The following SYNE2 variants were observed in gnomAD, a reference collection of about 807,000 sequenced individuals.
The protein encoded by SYNE2 is nesprin-2.
SYNE2 carries 431 observed loss-of-function variants against 856.3 expected under a neutral mutation model. The observed-to-expected ratio is 0.50, with a 90% CI of 0.47 to 0.55. The LOEUF (loss-of-function observed/expected upper bound fraction) is 0.55. SYNE2 is among the 20% of genes least tolerant of loss of function. The pLI is 0.00. For synonymous variants in SYNE2, 2,923 were observed against 2,872.3 expected (o/e 1.02, Z -0.56); for missense variants, 8,129 against 8,023.2 (o/e 1.01, Z -0.50).
At position 64,056,216 on chromosome 14, in the gene SYNE2, G is replaced by T. The variant is rs1423228550; in HGVS notation, c.10017G>T (p.Lys3339Asn). 10 of 1,613,948 alleles carry T rather than the reference G, an allele frequency of 6.2e-6. No individual in the cohort carries two copies. The highest frequency in any genetic ancestry group is 8.5e-6 in the Non-Finnish European group (10 of 1,179,994). ...LQYTLQELVS[K>N]NSAMKEAFKA... ...ATACTTTACAGGAACTAGTTTCTAA[G>T]AACTCAGCAATGAAGGAAGCTTTCA... is the stretch of plus-strand genomic sequence containing the variant. The change falls in exon 49 of 116, where the codon AAG (lysine) becomes AAT (asparagine). Residue 3339 changes from lysine to asparagine, a missense_variant. Coordinates refer to ENST00000555002, the MANE Select transcript of SYNE2 (RefSeq NM_182914.3).
chr14:63,955,033 A>T (rs1045834857), intron 8 of SYNE2, 118 bp downstream of exon 8: 64 of 824,996 alleles, frequency 7.8e-5, no homozygotes, highest in Non-Finnish European at 1.1e-4. Context: ...TGGAGGGTTT[A>T]ACTTAAGCTC....
At chr14:64,116,813 G>A (rs1013107962) in intron 66 of SYNE2, among the ~76,000 whole-genome samples, 2 of 152,198 alleles carry the variant, frequency 1.3e-5, no homozygotes, top group African/African-American at 4.8e-5. Flanking sequence ...AGAAACAAAG[G>A]GGTAACAAGA....
At position 63,995,291 on chromosome 14, in the gene SYNE2, T is replaced by G. The variant is rs2096704298; in HGVS notation, c.2940+89T>G. 1.5e-5 allele frequency: 18 copies of G among 1,177,502 alleles called. No homozygotes were observed. The East Asian group carries it at 4.5e-4, about 29-fold the overall frequency. The allele number at this position is 1,177,502 out of a possible 1,614,324, so 72.9% of individuals were successfully genotyped here. On this transcript the variant is annotated intron_variant, in intron 23 of 115. Transcript: ENST00000555002. ...TGTATCTTTAGCCTAGGATGAAAAC[T>G]GTTCTGAAAATTACCCTAGCCCTCC...
At chr14:63,956,137 C>A (rs1042931837) in intron 8 of SYNE2, among the ~76,000 whole-genome samples, 1 of 152,162 alleles carries the variant, frequency 6.6e-6, no homozygotes, top group Non-Finnish European at 1.5e-5. Flanking sequence ...AACAGTCAAG[C>A]CTTCATTTGC....
chr14:63,861,231 G>A (rs1252157085), intron 1 of SYNE2, among the ~76,000 whole-genome samples: 3 of 147,268 alleles, frequency 2.0e-5, no homozygotes, highest in Non-Finnish European at 4.4e-5. Context: ...TGCAACCTTC[G>A]CCTCCTGGGT....
rs946343341 is a variant in SYNE2, at chr14:64,047,855, A to T, written c.7222-145A>T. The T allele has an allele frequency of 9.3e-6, 8 of 857,620 alleles. No homozygotes were observed. The South Asian group carries it at 1.4e-4, about 15-fold the overall frequency. 53.1% of individuals were successfully genotyped at this position (857,620 alleles called of 1,614,324 possible). The stretch of plus-strand genomic sequence containing the variant: ...CAACATAGGCATTATTATATGGAAA[A>T]ATCATCTTTCGTAGTGCCCAAATAT... On this transcript the variant is annotated intron_variant, in intron 45 of 115. Coordinates refer to ENST00000555002, the MANE Select transcript of SYNE2 (RefSeq NM_182914.3).
chr14:64,013,099 T>C (rs1467818702), intron 32 of SYNE2, among the ~76,000 whole-genome samples: 1 of 152,208 alleles, frequency 6.6e-6, no homozygotes, highest in Non-Finnish European at 1.5e-5. Flanking sequence ...TCCCTTTATT[T>C]TACTCCTTCC....
Position 64,053,228 on chromosome 14 carries a change from A to C in SYNE2, c.9315A>C (p.Leu3105Phe), listed in dbSNP as rs201466326. 3.0e-5 allele frequency: 49 copies of C among 1,612,706 alleles called. No individual in the cohort carries two copies. The African/African-American group carries it at 5.9e-4, about 19-fold the overall frequency. ...KCLCDEIIKK[L>F]NENKTFDDSF... is the part of the protein sequence containing the mutation. ...TATGTGATGAGATAATAAAGAAATT[A>C]AATGAAAATAAGACCTTTGATGACT... The change falls in exon 48 of 116, where the codon TTA becomes TTC. Residue 3105 changes from leucine to phenylalanine, a missense_variant. Around this residue, in one of 3 missense-constraint regions of SYNE2, gnomAD observed 5,410 missense variants for 5,284.8 expected, o/e 1.02. Coordinates refer to ENST00000555002, the MANE Select transcript of SYNE2 (RefSeq NM_182914.3).
intron 31 of SYNE2, 98 bp downstream of exon 31, chr14:64,007,320 C>T: frequency 1.8e-6 from 2 of 1,106,954 alleles, no homozygotes; most frequent in Non-Finnish European, 2.8e-6. Context: ...TCCGTGGACC[C>T]AAAGGAGGGA....
chr14:63,765,501 C>T (rs916375681), intron 1 of SYNE2, among the ~76,000 whole-genome samples: 3 of 151,956 alleles, frequency 2.0e-5, no homozygotes, highest in Non-Finnish European at 2.9e-5. Context: ...TACAGGTGCC[C>T]GCCACCATGC....
At chr14:63,782,653 A>G (rs1025144437) in intron 1 of SYNE2, among the ~76,000 whole-genome samples, 2 of 151,948 alleles carry the variant, frequency 1.3e-5, no homozygotes, top group South Asian at 2.1e-4. Context: ...GAATTAATGA[A>G]TAAATAAATA....
intron 10 of SYNE2, among the ~76,000 whole-genome samples, chr14:63,966,612 G>A (rs746893547): frequency 1.3e-5 from 2 of 149,756 alleles, no homozygotes; most frequent in Non-Finnish European, 3.0e-5. Context: ...AGGCTGTAGT[G>A]CAGTGGCCCG....
At chr14:64,061,177 G>A (rs1186825310) in intron 49 of SYNE2, among the ~76,000 whole-genome samples, 2 of 152,182 alleles carry the variant, frequency 1.3e-5, no homozygotes, top group African/African-American at 4.8e-5. Context: ...TGGGGAGGAT[G>A]ATCAGTAGAG....
Position 64,223,312 on chromosome 14 carries a change from A to G in SYNE2, c.20314A>G (p.Ile6772Val), listed in dbSNP as rs566278939. 7.4e-6 allele frequency: 12 copies of G among 1,614,218 alleles called. No homozygotes were observed. The African/African-American group carries it at 1.3e-4, about 18-fold the overall frequency. The part of the protein sequence containing the change: ...CIEAEEKVHV[I>V]EKKLKQLREQ... Reference sequence around the variant, plus strand: ...TGAAGCTGAAGAAAAGGTGCATGTTATTGAGAAGAAACTCAAACAGTTACG... The same window carrying G: ...TGAAGCTGAAGAAAAGGTGCATGTTGTTGAGAAGAAACTCAAACAGTTACG... Residue 6772 changes from isoleucine to valine, a missense_variant, in exon 113 of 116, where the codon ATT (isoleucine) becomes GTT (valine). Around this residue, in one of 3 missense-constraint regions of SYNE2, gnomAD observed 5,410 missense variants for 5,284.8 expected, o/e 1.02. Transcript: ENST00000555002.
intron 90 of SYNE2, among the ~76,000 whole-genome samples, chr14:64,166,075 G>C (rs1458287426): frequency 2.0e-5 from 3 of 152,084 alleles, no homozygotes; most frequent in African/African-American, 7.2e-5. Flanking sequence ...GTTTAGTTTA[G>C]TAAACATAAA....
chr14:63,968,478 T>C lies in SYNE2; in HGVS notation c.1128+632T>C, dbSNP rs376031695. Among the ~76,000 whole-genome samples, 20 of 152,158 alleles carry C rather than the reference T, an allele frequency of 1.3e-4. No individual in the cohort carries two copies. The East Asian group carries it at 1.5e-3, about 12-fold the overall frequency. ...CTCTACTATCATGTATCAATATCAGTAGATGCTTGAAAGAAGTAGGAACAA... is the reference window on the plus strand; with the variant it reads ...CTCTACTATCATGTATCAATATCAGCAGATGCTTGAAAGAAGTAGGAACAA... On this transcript the variant is annotated intron_variant, in intron 11 of 115. Transcript: ENST00000555002.
intron 1 of SYNE2, among the ~76,000 whole-genome samples, chr14:63,778,940 A>G (rs903137172): frequency 1.3e-5 from 1 of 77,206 alleles, no homozygotes; most frequent in African/African-American, 4.1e-5. Flanking sequence ...GCTCATGGCT[A>G]TGAGCCACTG....
chr14:63,980,708 T>G lies in SYNE2; in HGVS notation c.1624T>G (p.Cys542Gly). Reference sequence around the variant, plus strand: ...TCGACTTGATACTTCTTTTCAAAAATGTGGAGAAATTTATAAGAATTTGGG... The same window carrying G: ...TCGACTTGATACTTCTTTTCAAAAAGGTGGAGAAATTTATAAGAATTTGGG... ...LARLDTSFQKCGEIYKNLAGE... is the reference protein window; with the variant it reads ...LARLDTSFQKGGEIYKNLAGE... Residue 542 changes from cysteine to glycine, a missense_variant, in exon 15 of 116, where the codon TGT (cysteine) becomes GGT (glycine). Cys to Gly is a radical substitution (Grantham distance 159). This residue lies in a region of SYNE2 where 2,422 missense variants were observed against 2,357.4 expected (regional missense o/e 1.03). Coordinates refer to ENST00000555002, the MANE Select transcript of SYNE2 (RefSeq NM_182914.3). The G allele has an allele frequency of 6.2e-7, 1 of 1,605,820 alleles. No homozygotes were observed.
chr14:64,141,672 C>T lies in SYNE2; in HGVS notation c.15159+149C>T. On this transcript the variant is annotated intron_variant, in intron 81 of 115. Transcript: ENST00000555002. The stretch of plus-strand genomic sequence containing the variant: ...ATATAAGTCTTAATTACTGGACCCT[C>T]CTCCAATGGGATTTTTCTTAAGAGA... 3.2e-6 allele frequency: 3 copies of T among 932,162 alleles called. 1 individual carries two copies. The South Asian group carries it at 4.9e-5, about 15-fold the overall frequency. 57.7% of individuals were successfully genotyped at this position (932,162 alleles called of 1,614,324 possible).
Sources: allele counts gnomAD v4.1 joint callset (sites outside exome capture counted in the v4.1 genomes callset), GRCh38; gene constraint gnomAD v4.1.1; regional missense constraint gnomAD v4.1.1; transcripts MANE v1.5; gene names NCBI Gene and HGNC (gene_info 2026-07-23, HGNC 2026-07-21).